The following TANC2 variants were observed in gnomAD, a reference collection of about 807,000 sequenced individuals.
TANC2 encodes the protein tetratricopeptide repeat, ankyrin repeat and coiled-coil containing 2.
A neutral mutation model predicts 210.5 loss-of-function variants in TANC2; 26 were observed. That is an observed-to-expected ratio of 0.12 (90% CI 0.09 to 0.17). The LOEUF (loss-of-function observed/expected upper bound fraction) is 0.17. Among genes scored for constraint, TANC2 ranks in the 10% least tolerant of loss-of-function variants. TANC2 has a pLI of 1.00. For missense variants in TANC2, 2,129 were observed against 2,608.9 expected (o/e 0.82, Z 4.01); for synonymous variants, 931 against 967.1 (o/e 0.96, Z 0.69).
chr17:63,086,070 T>C (rs1266365995), intron 3 of TANC2, among the ~76,000 whole-genome samples: 1 of 152,028 alleles, frequency 6.6e-6, no homozygotes, highest in East Asian at 1.9e-4. Flanking sequence ...TCTTTTCTTG[T>C]ATTGTTTCTG....
intron 5 of TANC2, among the ~76,000 whole-genome samples, chr17:63,175,870 A>C (rs2040562724): frequency 6.6e-6 from 1 of 152,236 alleles, no homozygotes. Context: ...TATTATGACA[A>C]CTGAAGTTTT....
intron 2 of TANC2, among the ~76,000 whole-genome samples, chr17:63,032,455 G>A (rs2034810686): frequency 6.6e-6 from 1 of 152,076 alleles, no homozygotes; most frequent in Non-Finnish European, 1.5e-5. Flanking sequence ...AGGGGCGTAT[G>A]TGACTCTGAG....
chr17:63,276,365 A>G (rs2043873463), intron 9 of TANC2, among the ~76,000 whole-genome samples: 1 of 152,116 alleles, frequency 6.6e-6, no homozygotes, highest in Admixed American at 6.6e-5. Flanking sequence ...CCATAGTTAT[A>G]AATATTTTAT....
intron 17 of TANC2, among the ~76,000 whole-genome samples, chr17:63,393,090 A>G (rs1235720792): frequency 6.6e-6 from 1 of 152,210 alleles, no homozygotes; most frequent in East Asian, 1.9e-4. Flanking sequence ...GTGCCTCCTT[A>G]GTCTCCTCCA....
intron 18 of TANC2, chr17:63,396,607 T>C (rs1599028627): frequency 6.6e-6 from 1 of 152,196 alleles, no homozygotes; most frequent in African/African-American, 2.4e-5. Flanking sequence ...ATTTTACTGA[T>C]AGAATGTGTT....
chr17:63,412,177 A>T lies in TANC2; in HGVS notation c.3898+47A>T. ...TTGGCCATCTGTGCCCAGGGGCCAG[A>T]CTGGTCCAGTGGTCTGGCTGCCCTG... On this transcript the variant is annotated intron_variant, in intron 23 of 27. Transcript: ENST00000689528. This position sits in a 1 kb window ranked among gnomAD's most constrained non-coding sequence, Gnocchi z 4.2. 2 of 1,613,194 alleles carry T rather than the reference A, an allele frequency of 1.2e-6. No homozygotes were observed. The highest frequency in any genetic ancestry group is 1.7e-6 in the Non-Finnish European group (2 of 1,179,500).
At chr17:63,397,191 C>A (rs888351216) in intron 18 of TANC2, among the ~76,000 whole-genome samples, 3 of 152,096 alleles carry the variant, frequency 2.0e-5, no homozygotes, top group African/African-American at 7.2e-5. Context: ...AGGAGAATCG[C>A]CTGAACCCGG....
chr17:63,224,974 A>T (rs1030931526), intron 7 of TANC2, among the ~76,000 whole-genome samples: 1 of 152,124 alleles, frequency 6.6e-6, no homozygotes, highest in Admixed American at 6.5e-5. Flanking sequence ...TTTGTCTCCT[A>T]TATCTTTTTT....
intron 14 of TANC2, among the ~76,000 whole-genome samples, chr17:63,357,459 A>C (rs758566498): frequency 1.1e-4 from 16 of 152,254 alleles, no homozygotes; most frequent in Non-Finnish European, 2.2e-4. Flanking sequence ...GGTACTTCCA[A>C]CTTCAAATCC....
intron 5 of TANC2, among the ~76,000 whole-genome samples, chr17:63,161,311 G>T (rs561140408): frequency 1.3e-5 from 2 of 152,136 alleles, no homozygotes; most frequent in South Asian, 4.2e-4. Context: ...GCAGTGAGCC[G>T]ATATCAAGCC....
At chr17:63,177,850 A>G (rs1019579968) in intron 5 of TANC2, among the ~76,000 whole-genome samples, 8 of 152,210 alleles carry the variant, frequency 5.3e-5, no homozygotes, top group Non-Finnish European at 1.0e-4. Context: ...TGTCCAAATA[A>G]AGTCACTTGG....
chr17:63,332,244 C>T, intron 11 of TANC2: 1 of 336,840 alleles, frequency 3.0e-6, no homozygotes, highest in South Asian at 2.7e-5. Flanking sequence ...ATGGTACAGT[C>T]TCCTTTTTTG....
At chr17:63,243,161 T>A (rs538018671) in intron 8 of TANC2, among the ~76,000 whole-genome samples, 14 of 152,318 alleles carry the variant, frequency 9.2e-5, no homozygotes, top group South Asian at 6.2e-4. Context: ...GAGATATCGC[T>A]ATACCCAAAC....
At chr17:63,395,302 T>G (rs1365256509) in intron 17 of TANC2, among the ~76,000 whole-genome samples, 4 of 152,212 alleles carry the variant, frequency 2.6e-5, no homozygotes, top group Admixed American at 6.5e-5. Flanking sequence ...ATGTTTTGCT[T>G]CTTTGGAAGG....
chr17:63,039,000 G>A (rs770016648), intron 2 of TANC2, among the ~76,000 whole-genome samples: 5 of 152,130 alleles, frequency 3.3e-5, no homozygotes, highest in Non-Finnish European at 7.4e-5. Context: ...TATTGAGTGA[G>A]CATTGATTTA....
At chr17:63,419,910 C>T in intron 27 of TANC2, 89 bp from the exon 28 acceptor site, 1 of 1,418,542 alleles carries the variant, frequency 7.0e-7, no homozygotes, top group Non-Finnish European at 9.3e-7. Context: ...CACCACAGCT[C>T]TCTGAGATAG....
chr17:62,983,029 A>G (rs997919233), intron 1 of TANC2, among the ~76,000 whole-genome samples: 35 of 152,140 alleles, frequency 2.3e-4, no homozygotes, highest in African/African-American at 8.2e-4. Context: ...TAGGGATTCT[A>G]TTGAATTTAT....
chr17:63,267,305 A>G (rs2043558944), intron 8 of TANC2, among the ~76,000 whole-genome samples: 2 of 152,166 alleles, frequency 1.3e-5, no homozygotes. Context: ...CTGTCTCTGC[A>G]GCTTTCATGA....
chr17:63,335,469 C>T (rs761376969), intron 11 of TANC2, among the ~76,000 whole-genome samples: 22 of 151,976 alleles, frequency 1.4e-4, no homozygotes, highest in South Asian at 2.1e-4. Context: ...AAAAATTAGC[C>T]GGGCATGGTG....
Sources: allele counts gnomAD v4.1 joint callset (sites outside exome capture counted in the v4.1 genomes callset), GRCh38; gene constraint gnomAD v4.1.1; non-coding constraint Gnocchi (gnomAD v3.1); transcripts MANE v1.5; gene names NCBI Gene and HGNC (gene_info 2026-07-23, HGNC 2026-07-21).